The following NAV1 variants were observed in gnomAD, a reference collection of about 807,000 sequenced individuals.
NAV1 encodes neuron navigator 1, also known as pore membrane and/or filament interacting like protein 3.
A neutral mutation model predicts 175.2 loss-of-function variants in NAV1; 18 were observed. The observed-to-expected ratio is 0.10, with a 90% CI of 0.07 to 0.15. The LOEUF is 0.15. NAV1 is among the 10% of genes least tolerant of loss of function. The pLI is 1.00. For missense variants in NAV1, 1,731 were observed against 2,436.6 expected, an observed-to-expected ratio of 0.71 and a Z score of 6.10; for synonymous variants, 897 against 978.7, an observed-to-expected ratio of 0.92 and a Z score of 1.56.
rs368338046 is a variant in NAV1, at chr1:201,784,805, C to T, written c.2805-505C>T. On this transcript the variant is annotated intron_variant, in intron 7 of 29. Coordinates refer to ENST00000367296, the Ensembl canonical transcript of NAV1. The stretch of plus-strand genomic sequence containing the variant: ...GTTTTGAGACGGAGTCTTGCTCTGT[C>T]GCCCAGGCTGGAGTGCAGTGGCGCG... Among the ~76,000 whole-genome samples, 28 of 151,582 alleles carry T rather than the reference C, an allele frequency of 1.8e-4. No homozygotes were observed. The East Asian group carries it at 4.1e-3, about 22-fold the overall frequency.
intron 3 of NAV1, among the ~76,000 whole-genome samples, chr1:201,721,093 A>G (rs1210396661): frequency 6.6e-6 from 1 of 152,046 alleles, no homozygotes; most frequent in Non-Finnish European, 1.5e-5. Flanking sequence ...GTTCACCGAG[A>G]CTAGCATGAA....
Position 201,783,864 on chromosome 1 carries a change from A to G in NAV1, c.2804+12A>G. 1.3e-6 allele frequency: 2 copies of G among 1,594,512 alleles called. No individual in the cohort carries two copies. The highest frequency in any genetic ancestry group is 1.7e-6 in the Non-Finnish European group (2 of 1,168,304). The stretch of plus-strand genomic sequence containing the variant: ...GGGCAACTGGACAGGTAGGTAGAAA[A>G]GACAGCAGAACCTCGGCCTGTCTCC... On this transcript the variant is annotated intron_variant, in intron 7 of 29. Coordinates refer to ENST00000367296, the Ensembl canonical transcript of NAV1.
intron 1 of NAV1, among the ~76,000 whole-genome samples, chr1:201,666,697 G>T (rs1669837294): frequency 6.6e-6 from 1 of 152,210 alleles, no homozygotes; most frequent in African/African-American, 2.4e-5. Context: ...GGGAGAAAGA[G>T]CAAGTGGGAC....
At chr1:201,638,230 C>T (rs976992291) in intron 2 of NAV1, among the ~76,000 whole-genome samples, 4 of 152,196 alleles carry the variant, frequency 2.6e-5, no homozygotes, top group African/African-American at 9.6e-5. Context: ...TCAGAAGACC[C>T]TGACTTGTTG....
At chr1:201,642,829 G>A (rs894762926) in intron 2 of NAV1, among the ~76,000 whole-genome samples, 12 of 149,680 alleles carry the variant, frequency 8.0e-5, no homozygotes, top group Admixed American at 5.3e-4. Context: ...GAGTGCAGTG[G>A]CGCCATCTCG....
intron 1 of NAV1, among the ~76,000 whole-genome samples, chr1:201,666,159 C>T (rs916301415): frequency 2.0e-5 from 3 of 152,054 alleles, no homozygotes; most frequent in African/African-American, 7.2e-5. Flanking sequence ...CCTTCCCCAG[C>T]AACACTGGGC....
intron 3 of NAV1, among the ~76,000 whole-genome samples, chr1:201,731,323 T>G (rs1379920657): frequency 6.6e-6 from 1 of 151,844 alleles, no homozygotes; most frequent in African/African-American, 2.4e-5. Flanking sequence ...ATCGACTGTT[T>G]GAGGACACAG....
intron 1 of NAV1, among the ~76,000 whole-genome samples, chr1:201,703,560 G>T (rs748121126): frequency 1.2e-4 from 19 of 152,178 alleles, no homozygotes; most frequent in Non-Finnish European, 2.4e-4. Flanking sequence ...ACAGTCCTCC[G>T]CATGGACCAC....
intron 1 of NAV1, among the ~76,000 whole-genome samples, chr1:201,566,971 T>C (rs1225517559): frequency 1.3e-5 from 2 of 152,210 alleles, no homozygotes. Context: ...TGCTCAACTA[T>C]CTGTGATTCC....
exon 1 of NAV1, chr1:201,623,307 G>A: frequency 1.0e-6 from 1 of 985,944 alleles, no homozygotes; most frequent in South Asian, 4.7e-5. Flanking sequence ...CAGTCTGCCA[G>A]ACCCGGGGCA....
At chr1:201,816,031 C>G (rs905375099) in intron 28 of NAV1, among the ~76,000 whole-genome samples, 5 of 152,034 alleles carry the variant, frequency 3.3e-5, no homozygotes, top group Non-Finnish European at 7.4e-5. Flanking sequence ...AGCCATCGCA[C>G]GCAGCTGAGA....
chr1:201,596,154 G>C (rs1269647651), intron 2 of NAV1, among the ~76,000 whole-genome samples: 1 of 152,236 alleles, frequency 6.6e-6, no homozygotes, highest in African/African-American at 2.4e-5. Flanking sequence ...AATGAAATGA[G>C]TTGATACACA....
At chr1:201,719,613 G>A (rs948768096) in intron 3 of NAV1, 1 of 153,920 alleles carries the variant, frequency 6.5e-6, no homozygotes, top group African/African-American at 2.4e-5. Context: ...GCGCTTAGGG[G>A]GATCCTGGCC....
intron 1 of NAV1, among the ~76,000 whole-genome samples, chr1:201,553,148 AT>A (rs1665912642): frequency 6.6e-6 from 1 of 152,182 alleles, no homozygotes; most frequent in African/African-American, 2.4e-5. Flanking sequence ...AAGGTGGGAG[AT>A]TTGAAATGAT....
chr1:201,676,925 C>T (rs1670274675), intron 1 of NAV1, among the ~76,000 whole-genome samples: 1 of 152,056 alleles, frequency 6.6e-6, no homozygotes, highest in Non-Finnish European at 1.5e-5. Context: ...TGAGCCCCTA[C>T]CCTCCTGAGT....
intron 1 of NAV1, among the ~76,000 whole-genome samples, chr1:201,708,734 C>T (rs1671774762): frequency 6.6e-6 from 1 of 152,168 alleles, no homozygotes; most frequent in Non-Finnish European, 1.5e-5. Context: ...TACCAAGACT[C>T]CCTCTGCATC....
At chr1:201,721,278 C>T (rs1035549912) in intron 3 of NAV1, among the ~76,000 whole-genome samples, 1 of 152,222 alleles carries the variant, frequency 6.6e-6, no homozygotes, top group African/African-American at 2.4e-5. Flanking sequence ...GGTCAACCTT[C>T]AGTTAGCAGT....
In NAV1 at chr1:201,642,245, G is replaced by C. The variant is rs143442450; in HGVS notation, c.5-6389G>C. ...TCTTCCTTTCTTTCTCGGAGTCTTGGTCTGTCGCCCAGGCTGGAGTGCAGT... is the reference window on the plus strand; with the variant it reads ...TCTTCCTTTCTTTCTCGGAGTCTTGCTCTGTCGCCCAGGCTGGAGTGCAGT... On this transcript the variant is annotated intron_variant, in intron 2 of 29. Coordinates refer to the NAV1 transcript ENST00000367302. Among the ~76,000 whole-genome samples the C allele has an allele frequency of 4.5e-3, 620 of 136,922 alleles. 1 individual carries two copies. Among genetic ancestry groups the C allele is most frequent in the Non-Finnish European group, 6.8e-3 (443 of 64,924 alleles). The allele number at this position is 136,922 out of a possible 152,430, so 89.8% of individuals were successfully genotyped here.
intron 3 of NAV1, among the ~76,000 whole-genome samples, chr1:201,734,443 A>T (rs1193126988): frequency 7.8e-6 from 1 of 128,720 alleles, no homozygotes; most frequent in East Asian, 2.1e-4. Context: ...AGGAAGAAGA[A>T]GAAGAAGAGG....
Sources: allele counts gnomAD v4.1 joint callset (sites outside exome capture counted in the v4.1 genomes callset), GRCh38; gene constraint gnomAD v4.1.1; transcripts MANE v1.5; gene names NCBI Gene and HGNC (gene_info 2026-07-23, HGNC 2026-07-21).